VWA8: variants seen among roughly 807,000 people sequenced by gnomAD.
The protein encoded by VWA8 is von Willebrand factor A domain containing 8.
In VWA8, 221 loss-of-function variants were observed where a neutral mutation model predicts 241.5. That is an observed-to-expected ratio of 0.91 (90% CI 0.82 to 1.02). The LOEUF is 1.02. Among genes scored for constraint, VWA8 ranks in the 50% least tolerant of loss-of-function variants. VWA8 has a pLI of 0.00. For synonymous variants in VWA8, 852 were observed against 827.1 expected, an observed-to-expected ratio of 1.03 and a Z score of -0.52; for missense variants, 2,322 against 2,328.7, an observed-to-expected ratio of 1.00 and a Z score of 0.06.
rs966353455 is a variant in VWA8 at position 41,960,921 on chromosome 13, C to A, written c.95G>T (p.Arg32Leu). Reference sequence around the variant, plus strand: ...CCGCTGCCTGTCGCCACCCGGCCTGCGCTGCACCACCTGCCGCAGGAGCAG... The same window carrying A: ...CCGCTGCCTGTCGCCACCCGGCCTGAGCTGCACCACCTGCCGCAGGAGCAG... Reference protein sequence around the residue: ...MRLLLRQVVQRRPGGDRQRPE... With the variant: ...MRLLLRQVVQLRPGGDRQRPE... Residue 32 changes from arginine to leucine, a missense_variant, in exon 1 of 45, where the codon CGC becomes CTC. Transcript: ENST00000379310. 38 of 1,498,114 alleles carry A rather than the reference C, an allele frequency of 2.5e-5. No homozygotes were observed. The highest frequency in any genetic ancestry group is 3.3e-5 in the Non-Finnish European group (37 of 1,131,010). The allele number at this position is 1,498,114 out of a possible 1,614,324, so 92.8% of individuals were successfully genotyped here.
In VWA8 at chr13:41,721,470, A is replaced by G. The variant is rs2045390235; in HGVS notation, c.2864T>C (p.Leu955Pro). ...CCTCAGCTCTCCAAAGGCAGCCACAAGCTTCTGAAGGATGGGCTCAGGCAC... is the reference window on the plus strand; with the variant it reads ...CCTCAGCTCTCCAAAGGCAGCCACAGGCTTCTGAAGGATGGGCTCAGGCAC... ...PNVPEPILQK[L>P]VAAFGELRSL... is the part of the protein sequence containing the mutation. The change falls in exon 25 of 45, where the codon CTT (leucine) becomes CCT (proline). Residue 955 changes from leucine to proline, a missense_variant. By Grantham distance (98) the Leu-to-Pro change is moderately conservative. Coordinates refer to ENST00000379310, the MANE Select transcript of VWA8 (RefSeq NM_015058.2). 1 of 1,613,918 alleles carries G rather than the reference A, an allele frequency of 6.2e-7. No individual in the cohort carries two copies. The highest frequency in any genetic ancestry group is 2.2e-5 in the East Asian group (1 of 44,872).
intron 4 of VWA8, among the ~76,000 whole-genome samples, chr13:41,893,405 C>T (rs879514369): frequency 6.7e-6 from 1 of 150,266 alleles, no homozygotes; most frequent in Non-Finnish European, 1.5e-5. Context: ...TATATCATTA[C>T]TGCAATATTT....
chr13:41,950,892 C>G (rs1195578893), intron 1 of VWA8, among the ~76,000 whole-genome samples: 2 of 150,950 alleles, frequency 1.3e-5, no homozygotes, highest in Non-Finnish European at 3.0e-5. Context: ...TGGTCTTGAA[C>G]TCCTGACCTC....
chr13:41,755,954 G>A (rs1414728532), intron 21 of VWA8, among the ~76,000 whole-genome samples: 1 of 151,592 alleles, frequency 6.6e-6, no homozygotes, highest in Admixed American at 6.6e-5. Flanking sequence ...GAAAACAAAA[G>A]GAAGGGTATA....
intron 13 of VWA8, among the ~76,000 whole-genome samples, chr13:41,832,933 C>G (rs1871533164): frequency 6.7e-6 from 1 of 149,754 alleles, no homozygotes; most frequent in Non-Finnish European, 1.5e-5. Context: ...AACAAAACTA[C>G]TTTTCTCTCT....
intron 3 of VWA8, 30 bp downstream of exon 3, chr13:41,912,008 C>A (rs765424766): frequency 5.9e-6 from 9 of 1,519,274 alleles, no homozygotes; most frequent in Non-Finnish European, 8.0e-6. Flanking sequence ...AGTTAAGACC[C>A]TTAGAAATTG....
At chr13:41,901,240 G>C (rs1875410763) in intron 4 of VWA8, among the ~76,000 whole-genome samples, 1 of 151,652 alleles carries the variant, frequency 6.6e-6, no homozygotes, top group Non-Finnish European at 1.5e-5. Flanking sequence ...GCCTCCTCAA[G>C]GGTTGGAATT....
chr13:41,760,655 T>C (rs1465007862), intron 21 of VWA8, among the ~76,000 whole-genome samples: 1 of 151,938 alleles, frequency 6.6e-6, no homozygotes, highest in Non-Finnish European at 1.5e-5. Context: ...GAACCAGCAT[T>C]CTAACCATAC....
intron 37 of VWA8, among the ~76,000 whole-genome samples, chr13:41,618,512 C>A (rs181901941): frequency 1.9e-4 from 29 of 152,288 alleles, no homozygotes; most frequent in Middle Eastern, 3.4e-3. Flanking sequence ...GCTTTTGTTG[C>A]CATTGCTTTC....
intron 17 of VWA8, among the ~76,000 whole-genome samples, chr13:41,809,110 G>A (rs944052912): frequency 2.6e-5 from 4 of 152,026 alleles, no homozygotes; most frequent in Non-Finnish European, 5.9e-5. Flanking sequence ...AAATTGAAGA[G>A]GATGCTAAAA....
intron 2 of VWA8, among the ~76,000 whole-genome samples, chr13:41,943,924 A>G (rs2084457828): frequency 6.6e-6 from 1 of 151,944 alleles, no homozygotes; most frequent in African/African-American, 2.4e-5. Flanking sequence ...CCAACAGGGT[A>G]AAACCCTGTC....
At chr13:41,926,761 C>T (rs1876863527) in intron 2 of VWA8, 2 of 541,934 alleles carry the variant, frequency 3.7e-6, no homozygotes, top group Non-Finnish European at 7.5e-6. Flanking sequence ...TCCAGAGAAT[C>T]AGCATGGTAG....
rs570250165 is a variant in VWA8 at position 41,732,102 on chromosome 13, A to G, written c.2480T>C (p.Ile827Thr). Reference sequence around the variant, plus strand: ...AACCAAAGGTGAGTCTTCATATACAATAAGTCCGTCTTTAACCGAAGGCTG... The same window carrying G: ...AACCAAAGGTGAGTCTTCATATACAGTAAGTCCGTCTTTAACCGAAGGCTG... ...TLQPSVKDGL[I>T]VYEDSPLVKA... is the part of the protein sequence containing the mutation. Residue 827 changes from isoleucine (I) to threonine (T), a missense_variant, in exon 22 of 45, where the codon ATT (isoleucine) becomes ACT (threonine). Physicochemically the swap from Ile to Thr is moderately conservative, Grantham distance 89 (BLOSUM62 -1). Coordinates refer to ENST00000379310, the MANE Select transcript of VWA8 (RefSeq NM_015058.2). 3.5e-5 allele frequency: 56 copies of G among 1,613,414 alleles called. 2 individuals are homozygous for G. In the South Asian group the frequency reaches 4.8e-4, roughly 14 times the overall value.
chr13:41,764,119 T>C (rs925278891), intron 20 of VWA8, among the ~76,000 whole-genome samples: 1 of 152,102 alleles, frequency 6.6e-6, no homozygotes, highest in East Asian at 1.9e-4. Context: ...AAACCTACTT[T>C]TTTCTCTTTT....
chr13:41,782,066 C>T (rs144766438), intron 19 of VWA8, among the ~76,000 whole-genome samples: 7 of 152,260 alleles, frequency 4.6e-5, no homozygotes, highest in South Asian at 2.1e-4. Flanking sequence ...AGCTACTGTC[C>T]GTACAATTGG....
chr13:41,589,669 T>C (rs180882126), intron 41 of VWA8, among the ~76,000 whole-genome samples: 1 of 152,260 alleles, frequency 6.6e-6, no homozygotes, highest in Admixed American at 6.5e-5. Context: ...AGAAAACCAT[T>C]ACTCTGGGCC....
At chr13:41,591,121 TTAACATTG>T (rs2044451784) in intron 40 of VWA8, among the ~76,000 whole-genome samples, 1 of 152,228 alleles carries the variant, frequency 6.6e-6, no homozygotes, top group South Asian at 2.1e-4. Context: ...CTTGAATTTG[TTAACATTG>T]TCTGTAAGCC....
At chr13:41,589,445 TCCAGGGCA>T (rs147241117) in intron 41 of VWA8, among the ~76,000 whole-genome samples, 46,258 of 151,776 alleles carry the variant, frequency 0.3, 7,802 homozygotes, top group Non-Finnish European at 0.38. Context: ...CAGTTTCCCC[TCCAGGGCA>T]CCTGCTCTGT....
At chr13:41,918,080 G>A (rs1876343678) in intron 2 of VWA8, among the ~76,000 whole-genome samples, 2 of 152,028 alleles carry the variant, frequency 1.3e-5, no homozygotes, top group South Asian at 4.2e-4. Flanking sequence ...CGAACTAACT[G>A]AACTAAAAAA....
Sources: allele counts gnomAD v4.1 joint callset (sites outside exome capture counted in the v4.1 genomes callset), GRCh38; gene constraint gnomAD v4.1.1; transcripts MANE v1.5; gene names NCBI Gene and HGNC (gene_info 2026-07-23, HGNC 2026-07-21).